The following HADHB variants were observed in gnomAD, a reference collection of about 807,000 sequenced individuals.
HADHB encodes hydroxyacyl-CoA dehydrogenase trifunctional multienzyme complex subunit beta.
In HADHB, 50 loss-of-function variants were observed where a neutral mutation model predicts 61.9. That is an observed-to-expected ratio of 0.81 (90% CI 0.64 to 1.02). The LOEUF (loss-of-function observed/expected upper bound fraction) is 1.02, where lower values mean the gene tolerates loss of function less well. Among genes scored for constraint, HADHB ranks in the 50% least tolerant of loss-of-function variants. HADHB has a pLI of 0.00. For missense variants in HADHB, 504 were observed against 586.5 expected (o/e 0.86, Z 1.45); for synonymous variants, 191 against 201.6 (o/e 0.95, Z 0.45).
intron 1 of HADHB, among the ~76,000 whole-genome samples, chr2:26,247,640 C>T (rs1036164345): frequency 6.6e-6 from 1 of 152,190 alleles, no homozygotes; most frequent in African/African-American, 2.4e-5. Context: ...GTTAGGCCTA[C>T]AGTGGTTTCA....
rs1441284184 is a variant in HADHB, at chr2:26,290,016, A to G, written c.*63A>G. On this transcript the variant is annotated 3_prime_UTR_variant, in exon 16 of 16. Transcript: ENST00000317799. ...ACTCACACTAGGCAATGCCATTTCA[A>G]TGCATTACTAAATGACATTTGTAGT... 15 of 1,024,620 alleles carry G rather than the reference A, an allele frequency of 1.5e-5. No individual in the cohort carries two copies. Among genetic ancestry groups the G allele is most frequent in the Admixed American group, 8.4e-5 (5 of 59,282 alleles). 63.5% of individuals were successfully genotyped at this position (1,024,620 alleles called of 1,614,324 possible). A position where few individuals can be genotyped will look rare whatever the true frequency, so the allele number is the denominator to read the frequency against.
At position 26,290,299 on chromosome 2, in the gene HADHB, T is replaced by G; in HGVS notation, c.*346T>G. The stretch of plus-strand genomic sequence containing the variant: ...TCTTTGTAATATTTGCAAATTATAC[T>G]TGTTCTTATCTGTGTCCTAAAGATG... On this transcript the variant is annotated 3_prime_UTR_variant, in exon 16 of 16. Coordinates refer to ENST00000317799, the MANE Select transcript of HADHB (RefSeq NM_000183.3). 2.9e-6 allele frequency: 1 copy of G among 347,586 alleles called. No individual in the cohort carries two copies. Among genetic ancestry groups the G allele is most frequent in the South Asian group, 2.8e-5 (1 of 35,914 alleles). 21.5% of individuals were successfully genotyped at this position (347,586 alleles called of 1,614,324 possible).
At chr2:26,282,251 C>CTT (rs67626722) in intron 10 of HADHB, among the ~76,000 whole-genome samples, 2,333 of 106,758 alleles carry the variant, frequency 0.022, 118 homozygotes, top group African/African-American at 0.075. Context: ...GCAGTTCTTT[C>CTT]TTTTTTTTTT....
intron 5 of HADHB, among the ~76,000 whole-genome samples, chr2:26,271,070 T>C (rs1272525343): frequency 6.8e-6 from 1 of 146,536 alleles, no homozygotes; most frequent in Non-Finnish European, 1.5e-5. Context: ...TTTTTTTTTG[T>C]ATTTTTAGTA....
chr2:26,268,382 A>G (rs1672188630), intron 4 of HADHB, among the ~76,000 whole-genome samples: 1 of 152,186 alleles, frequency 6.6e-6, no homozygotes, highest in Admixed American at 6.5e-5. Context: ...CTCCCCTCAG[A>G]ATGTGGGCTA....
chr2:26,247,616 T>A (rs76916619), intron 1 of HADHB, among the ~76,000 whole-genome samples: 3,446 of 152,350 alleles, frequency 0.023, 123 homozygotes, highest in African/African-American at 0.077. Context: ...AACCAATGTC[T>A]GAGTGAAAAT....
chr2:26,254,107 T>C, intron 1 of HADHB, 140 bp from the exon 2 acceptor site: 1 of 633,458 alleles, frequency 1.6e-6, no homozygotes, highest in Non-Finnish European at 2.9e-6. Context: ...AATAATATTA[T>C]TAGATGAAGA....
chr2:26,274,715 A>G (rs1257873663), intron 6 of HADHB, among the ~76,000 whole-genome samples: 1 of 152,230 alleles, frequency 6.6e-6, no homozygotes, highest in African/African-American at 2.4e-5. Flanking sequence ...TTTCATGAGT[A>G]CATCAAGCTG....
chr2:26,279,338 A>G, intron 9 of HADHB, 23 bp downstream of exon 9: 2 of 1,531,028 alleles, frequency 1.3e-6, no homozygotes, highest in Non-Finnish European at 1.8e-6. Flanking sequence ...GCTTCATGAC[A>G]CTTATTAGGG....
intron 3 of HADHB, among the ~76,000 whole-genome samples, chr2:26,259,671 T>A (rs1003428754): frequency 6.6e-6 from 1 of 152,232 alleles, no homozygotes. Flanking sequence ...GAATATTTTT[T>A]AAATGTGCCT....
intron 6 of HADHB, among the ~76,000 whole-genome samples, chr2:26,276,812 A>G (rs1672547490): frequency 6.6e-6 from 1 of 152,236 alleles, no homozygotes; most frequent in Non-Finnish European, 1.5e-5. Context: ...ATAAGAAATT[A>G]GGTGAGTTAG....
intron 1 of HADHB, 95 bp downstream of exon 1, chr2:26,245,085 T>C: frequency 4.8e-6 from 1 of 209,726 alleles, no homozygotes; most frequent in Non-Finnish European, 1.0e-5. Context: ...CCCGGCCCCC[T>C]CCCCTCCCTG....
At chr2:26,285,683 G>A in intron 15 of HADHB, 112 bp downstream of exon 15, 2 of 662,370 alleles carry the variant, frequency 3.0e-6, no homozygotes, top group South Asian at 1.5e-5. Flanking sequence ...TGACCTGGGG[G>A]TGGGGAGTGG....
At chr2:26,264,641 G>A (rs1672000675) in intron 4 of HADHB, among the ~76,000 whole-genome samples, 1 of 150,200 alleles carries the variant, frequency 6.7e-6, no homozygotes, top group African/African-American at 2.4e-5. Flanking sequence ...GTGTGTATGT[G>A]TGTATACACA....
chr2:26,283,230 AT>A (rs1301220597), intron 12 of HADHB, among the ~76,000 whole-genome samples, 179 bp downstream of exon 12: 9 of 152,136 alleles, frequency 5.9e-5, no homozygotes, highest in Admixed American at 2.6e-4. Context: ...TTTAAAAAAA[AT>A]AATAGTAATC....
Position 26,279,977 on chromosome 2 carries a change from A to C in HADHB, c.812-17A>C, listed in dbSNP as rs749604477. 1 of 1,597,454 alleles carries C rather than the reference A, an allele frequency of 6.3e-7. No homozygotes were observed. The highest frequency in any genetic ancestry group is 2.2e-5 in the East Asian group (1 of 44,778). On this transcript the variant is annotated splice_polypyrimidine_tract_variant and intron_variant, in intron 9 of 15. Transcript: ENST00000317799. The stretch of plus-strand genomic sequence containing the variant: ...CTTGTGGTTCCATAGAGTTAAAAAA[A>C]TTCATTTTTTTAATAGGAAAAGATA...
chr2:26,256,564 A>AT (rs1319438451), intron 3 of HADHB, among the ~76,000 whole-genome samples: 1 of 151,980 alleles, frequency 6.6e-6, no homozygotes, highest in South Asian at 2.1e-4. Context: ...CACGTGTATA[A>AT]TAGTTGTATA....
chr2:26,288,603 G>T (rs1673139265), intron 15 of HADHB, among the ~76,000 whole-genome samples: 1 of 151,722 alleles, frequency 6.6e-6, no homozygotes, highest in Non-Finnish European at 1.5e-5. Context: ...CAGCTACTCG[G>T]GAGGCTGAGG....
At position 26,286,930 on chromosome 2, in the gene HADHB, G is replaced by A. The variant is rs183954052; in HGVS notation, c.1389+1359G>A. 4.9e-3 allele frequency among the ~76,000 whole-genome samples: 747 copies of A among 151,636 alleles called. 2 individuals are homozygous for A. Among genetic ancestry groups the A allele is most frequent in the Non-Finnish European group, 7.7e-3 (525 of 67,936 alleles). ...ATTTAAAAGCATAAACTGGCCGGGT[G>A]CAGTGGCTCACGCCTGTAATCCCAA... On this transcript the variant is annotated intron_variant, in intron 15 of 15. Coordinates refer to ENST00000317799, the MANE Select transcript of HADHB (RefSeq NM_000183.3).
Sources: gnomAD v4.1 joint callset for allele counts (sites outside exome capture counted in the v4.1 genomes callset) on GRCh38, gnomAD v4.1.1 for gene constraint, MANE v1.5 for transcripts, NCBI Gene and HGNC (gene_info 2026-07-23, HGNC 2026-07-21) for gene names.